CSPP1: variants seen among roughly 807,000 people sequenced by gnomAD.
CSPP1 encodes centrosome and spindle pole-associated protein 1.
Under a neutral mutation model 164.4 loss-of-function variants are expected in CSPP1, and 126 were observed. The ratio of observed to expected loss-of-function variants is 0.77; its 90% CI spans 0.66 to 0.89. The LOEUF (loss-of-function observed/expected upper bound fraction) is 0.89, where lower values mean the gene tolerates loss of function less well. CSPP1 is among the 40% of genes least tolerant of loss of function. CSPP1 has a pLI of 0.00. For synonymous variants in CSPP1, 472 were observed against 476.7 expected, an observed-to-expected ratio of 0.99 and a Z score of 0.13; for missense variants, 1,395 against 1,449.8, an observed-to-expected ratio of 0.96 and a Z score of 0.61.
intron 17 of CSPP1, among the ~76,000 whole-genome samples, chr8:67,144,905 A>G (rs1430612999): frequency 7.5e-6 from 1 of 133,484 alleles, no homozygotes; most frequent in Non-Finnish European, 1.6e-5. Flanking sequence ...TATCTCTACT[A>G]AAAAAAAAAA....
intron 16 of CSPP1, chr8:67,135,773 GTTTA>G (rs1822132943): frequency 6.6e-6 from 1 of 152,186 alleles, no homozygotes; most frequent in African/African-American, 2.4e-5. Flanking sequence ...TGGGCAAAGT[GTTTA>G]TTTAACATAA....
intron 3 of CSPP1, chr8:67,081,121 C>T (rs370224391): frequency 1.6e-4 from 25 of 152,172 alleles, no homozygotes; most frequent in Admixed American, 1.5e-3. Flanking sequence ...TGATTCACTT[C>T]GTTAGTATAA....
chr8:67,137,636 A>G, intron 17 of CSPP1, 33 bp downstream of exon 17: 1 of 1,409,988 alleles, frequency 7.1e-7, no homozygotes, highest in Non-Finnish European at 9.4e-7. Context: ...TTTTTAAAAT[A>G]AGCTAAATTA....
chr8:67,068,246 G>A (rs1805998472), intron 1 of CSPP1, among the ~76,000 whole-genome samples: 1 of 152,084 alleles, frequency 6.6e-6, no homozygotes, highest in Non-Finnish European at 1.5e-5. Context: ...TGATATTTCT[G>A]TTTTATAGAT....
chr8:67,143,882 A>T (rs1451005704), intron 17 of CSPP1, among the ~76,000 whole-genome samples: 1 of 152,128 alleles, frequency 6.6e-6, no homozygotes, highest in East Asian at 1.9e-4. Flanking sequence ...CAATCATAGC[A>T]TCTGTCAGTA....
chr8:67,078,394 T>G (rs1393120765), intron 3 of CSPP1, among the ~76,000 whole-genome samples: 1 of 151,996 alleles, frequency 6.6e-6, no homozygotes, highest in Non-Finnish European at 1.5e-5. Context: ...CAGGCTGGAG[T>G]GCAGTGGCAT....
intron 29 of CSPP1, among the ~76,000 whole-genome samples, chr8:67,192,134 G>A (rs756901795): frequency 6.7e-5 from 10 of 149,620 alleles, no homozygotes; most frequent in Admixed American, 1.3e-4. Flanking sequence ...TTGCAGTGGC[G>A]TGATCTCAGT....
chr8:67,100,852 C>G (rs1464239056), intron 7 of CSPP1, among the ~76,000 whole-genome samples: 2 of 151,368 alleles, frequency 1.3e-5, no homozygotes, highest in Non-Finnish European at 2.9e-5. Flanking sequence ...CTAGATACCT[C>G]TTTACTACAC....
At position 67,113,831 on chromosome 8, in the gene CSPP1, C is replaced by T; in HGVS notation, c.1214C>T (p.Ala405Val). Reference protein sequence around the residue: ...RREKDLELRVAASGAQDPEKS... With the variant: ...RREKDLELRVVASGAQDPEKS... ...GAAAAAGATTTAGAACTCAGGGTTG[C>T]AGCGTCTGGAGCACAAGACCCTGAG... Residue 405 changes from alanine (A) to valine (V), a missense_variant, in exon 11 of 31, where the codon GCA becomes GTA. Transcript: ENST00000678616. 2 of 1,589,992 alleles carry T rather than the reference C, an allele frequency of 1.3e-6. No individual in the cohort carries two copies. The highest frequency in any genetic ancestry group is 3.5e-5 in the Admixed American group (2 of 57,660).
chr8:67,183,896 AGGCT>A (rs1833682856), intron 28 of CSPP1, among the ~76,000 whole-genome samples: 1 of 124,038 alleles, frequency 8.1e-6, no homozygotes, highest in African/African-American at 3.2e-5. Context: ...TGTTGTCCCC[AGGCT>A]GGAGCGTGAT....
intron 24 of CSPP1, among the ~76,000 whole-genome samples, chr8:67,166,534 A>G (rs1829334012): frequency 6.6e-6 from 1 of 152,188 alleles, no homozygotes; most frequent in South Asian, 2.1e-4. Flanking sequence ...CAAGGTACAG[A>G]TTGGCTTGAT....
intron 30 of CSPP1, among the ~76,000 whole-genome samples, chr8:67,194,753 T>TAATA (rs1837438737): frequency 6.6e-6 from 1 of 151,232 alleles, no homozygotes; most frequent in Non-Finnish European, 1.5e-5. Flanking sequence ...TTATACCTAA[T>TAATA]AATAAATAAA....
intron 15 of CSPP1, among the ~76,000 whole-genome samples, chr8:67,119,858 C>T (rs956195625): frequency 7.2e-5 from 11 of 152,114 alleles, no homozygotes; most frequent in Non-Finnish European, 1.6e-4. Flanking sequence ...TTTTGATGCA[C>T]AAAATTCTTA....
chr8:67,193,230 C>T (rs965782743), intron 29 of CSPP1, among the ~76,000 whole-genome samples: 3 of 151,986 alleles, frequency 2.0e-5, no homozygotes, highest in Admixed American at 6.6e-5. Context: ...CCCAAGTAGC[C>T]GGGGACTACA....
intron 26 of CSPP1, among the ~76,000 whole-genome samples, chr8:67,177,070 CAAAAAAAAAAAAA>C (rs36084458): frequency 1.9e-5 from 1 of 51,864 alleles, no homozygotes; most frequent in Non-Finnish European, 3.9e-5. Flanking sequence ...GACTTAGTCT[CAAAAAAAAAAAAA>C]AAAAAAAAAA....
intron 19 of CSPP1, among the ~76,000 whole-genome samples, chr8:67,155,660 T>G (rs1298352756): frequency 6.6e-6 from 1 of 152,028 alleles, no homozygotes; most frequent in African/African-American, 2.4e-5. Flanking sequence ...TTGTAGTGTG[T>G]GCCTGTCACC....
intron 8 of CSPP1, among the ~76,000 whole-genome samples, chr8:67,104,138 A>G (rs1417794654): frequency 6.6e-6 from 1 of 151,922 alleles, no homozygotes; most frequent in Non-Finnish European, 1.5e-5. Context: ...AAAGATGTCT[A>G]TTTTTTTCTA....
At chr8:67,128,689 A>G (rs1340122588) in intron 15 of CSPP1, among the ~76,000 whole-genome samples, 7 of 152,216 alleles carry the variant, frequency 4.6e-5, no homozygotes, top group African/African-American at 1.7e-4. Flanking sequence ...ATGGAAAATT[A>G]CAAGCTAGTT....
chr8:67,091,650 T>C (rs1443583714), intron 4 of CSPP1, among the ~76,000 whole-genome samples, 153 bp from the exon 5 acceptor site: 1 of 152,226 alleles, frequency 6.6e-6, no homozygotes, highest in African/African-American at 2.4e-5. Context: ...GTATGGTCTA[T>C]ATAGATTTGT....
Sources: allele counts gnomAD v4.1 joint callset (sites outside exome capture counted in the v4.1 genomes callset), GRCh38; gene constraint gnomAD v4.1.1; transcripts MANE v1.5; gene names NCBI Gene and HGNC (gene_info 2026-07-23, HGNC 2026-07-21).